INPP4B: variants seen among roughly 807,000 people sequenced by gnomAD.
The protein encoded by INPP4B is inositol polyphosphate 4-phosphatase type II.
In INPP4B, 55 loss-of-function variants were observed where a neutral mutation model predicts 122.5. The observed-to-expected ratio is 0.45, with a 90% confidence interval of 0.36 to 0.56. The LOEUF is 0.56. Ranked by LOEUF, INPP4B falls within the 20% of genes least tolerant of loss-of-function variation. The pLI, the probability that INPP4B is intolerant of heterozygous loss-of-function variation, is 0.00. For missense variants in INPP4B, 1,000 were observed against 1,097.7 expected, an observed-to-expected ratio of 0.91 and a Z score of 1.26; for synonymous variants, 403 against 388.7, an observed-to-expected ratio of 1.04 and a Z score of -0.43.
intron 3 of INPP4B, among the ~76,000 whole-genome samples, chr4:142,443,608 A>T (rs1812289468): frequency 6.6e-6 from 1 of 152,088 alleles, no homozygotes; most frequent in African/African-American, 2.4e-5. Flanking sequence ...ACGATAGAGA[A>T]TGCCTCTGCC....
At chr4:142,772,757 C>G (rs1419979854) in intron 1 of INPP4B, among the ~76,000 whole-genome samples, 1 of 152,100 alleles carries the variant, frequency 6.6e-6, no homozygotes, top group Non-Finnish European at 1.5e-5. Context: ...TTTAAAGACA[C>G]AATCTGGCCA....
At chr4:142,063,310 C>A (rs1761948513) in intron 25 of INPP4B, among the ~76,000 whole-genome samples, 1 of 152,122 alleles carries the variant, frequency 6.6e-6, no homozygotes, top group Non-Finnish European at 1.5e-5. Context: ...ATACTATCCA[C>A]CCTGCCCAGG....
chr4:142,322,611 T>C (rs1770499619), intron 7 of INPP4B, among the ~76,000 whole-genome samples: 1 of 152,138 alleles, frequency 6.6e-6, no homozygotes, highest in Non-Finnish European at 1.5e-5. Flanking sequence ...AATGGGTAAA[T>C]ATTAATTCTT....
chr4:142,557,080 G>A (rs1339613337), intron 2 of INPP4B, among the ~76,000 whole-genome samples: 2 of 152,110 alleles, frequency 1.3e-5, no homozygotes, highest in East Asian at 3.9e-4. Context: ...CCTAAGAGAT[G>A]CTTTCAAATA....
intron 25 of INPP4B, chr4:142,030,271 C>T (rs1239783598): frequency 1.0e-5 from 16 of 1,534,952 alleles, no homozygotes; most frequent in East Asian, 2.4e-5. Context: ...TCAGGATCAT[C>T]GGATTCATTC....
intron 2 of INPP4B, among the ~76,000 whole-genome samples, chr4:142,658,391 G>T (rs1754540126): frequency 6.6e-6 from 1 of 152,170 alleles, no homozygotes; most frequent in Admixed American, 6.5e-5. Context: ...ACTAAACTCA[G>T]AAAACTAAAG....
intron 14 of INPP4B, among the ~76,000 whole-genome samples, chr4:142,204,766 C>A (rs969304518): frequency 3.3e-5 from 5 of 151,906 alleles, no homozygotes; most frequent in African/African-American, 9.7e-5. Flanking sequence ...CCAATGATTG[C>A]CAGCAAACCA....
At chr4:142,627,932 C>T (rs1746889481) in intron 2 of INPP4B, among the ~76,000 whole-genome samples, 1 of 151,836 alleles carries the variant, frequency 6.6e-6, no homozygotes, top group African/African-American at 2.4e-5. Context: ...ATTTCAGATC[C>T]TGTTATTGGT....
chr4:142,219,660 C>T (rs1848601150), intron 12 of INPP4B, among the ~76,000 whole-genome samples: 2 of 152,182 alleles, frequency 1.3e-5, no homozygotes, highest in Non-Finnish European at 2.9e-5. Flanking sequence ...GCATTCTCAT[C>T]ACATTTTAAT....
At position 142,145,891 on chromosome 4, in the gene INPP4B, CATT is replaced by C; in HGVS notation, c.1666_1668del (p.Asn556del). Reference sequence around the variant, plus strand: ...GTTAATGAAGGTTCCTTTTCTCCATCATTGTTGCCGCCACTGCCTTCACTGCCA... The same window carrying C: ...GTTAATGAAGGTTCCTTTTCTCCATCGTTGCCGCCACTGCCTTCACTGCCA... On this transcript the variant is annotated inframe_deletion, in exon 18 of 26. Coordinates refer to ENST00000262992, the MANE Select transcript of INPP4B (RefSeq NM_001101669.3). 1 of 1,613,758 alleles carries C rather than the reference CATT, an allele frequency of 6.2e-7. No homozygotes were observed. The highest frequency in any genetic ancestry group is 8.5e-7 in the Non-Finnish European group (1 of 1,179,786).
intron 25 of INPP4B, among the ~76,000 whole-genome samples, chr4:142,068,713 C>G (rs966251674): frequency 6.6e-6 from 1 of 152,074 alleles, no homozygotes; most frequent in Admixed American, 6.6e-5. Flanking sequence ...TTTAAACCAA[C>G]AAAGATCAAA....
At chr4:142,758,546 G>A (rs889730847) in intron 1 of INPP4B, among the ~76,000 whole-genome samples, 7 of 152,106 alleles carry the variant, frequency 4.6e-5, no homozygotes, top group Non-Finnish European at 8.8e-5. Flanking sequence ...CCCTCAACAG[G>A]GAGTGGACTA....
intron 25 of INPP4B, among the ~76,000 whole-genome samples, chr4:142,050,539 G>A (rs1418768475): frequency 1.3e-5 from 2 of 151,834 alleles, no homozygotes; most frequent in East Asian, 1.9e-4. Context: ...ATATATTATG[G>A]GATTCTCAAC....
chr4:142,837,880 C>A (rs1464469404), intron 1 of INPP4B, among the ~76,000 whole-genome samples: 2 of 151,970 alleles, frequency 1.3e-5, no homozygotes, highest in African/African-American at 4.8e-5. Flanking sequence ...TGAGATCATA[C>A]AGAAAATATC....
intron 23 of INPP4B, among the ~76,000 whole-genome samples, chr4:142,092,302 G>GT (rs1779916396): frequency 6.6e-6 from 1 of 152,014 alleles, no homozygotes; most frequent in Non-Finnish European, 1.5e-5. Context: ...GTTTGCTTTT[G>GT]TTTTTTGAGA....
chr4:142,195,289 A>C lies in INPP4B; in HGVS notation c.1073-2094T>G, dbSNP rs544165366. Among the ~76,000 whole-genome samples, 13 of 152,320 alleles carry C rather than the reference A, an allele frequency of 8.5e-5. No homozygotes were observed. In the East Asian group the frequency reaches 2.5e-3, roughly 29 times the overall value. ...TGGCTGTCAAGAAATGGAGAGGGGG[A>C]ATGCAAAGTTGTTATTCAATAGGCA... On this transcript the variant is annotated intron_variant, in intron 14 of 25. Coordinates refer to ENST00000262992, the MANE Select transcript of INPP4B (RefSeq NM_001101669.3).
chr4:142,674,900 A>AAGCAG (rs1184313602), intron 2 of INPP4B, among the ~76,000 whole-genome samples: 1 of 152,230 alleles, frequency 6.6e-6, no homozygotes, highest in African/African-American at 2.4e-5. Flanking sequence ...CCACAAGAGA[A>AAGCAG]AGCAGGAAAG....
intron 5 of INPP4B, among the ~76,000 whole-genome samples, chr4:142,417,738 C>T (rs1275467493): frequency 2.0e-5 from 3 of 151,992 alleles, no homozygotes; most frequent in Admixed American, 6.6e-5. Context: ...GTTTGCAAAA[C>T]GACCCAGGAA....
intron 8 of INPP4B, chr4:142,306,028 A>G: frequency 1.6e-6 from 1 of 632,092 alleles, no homozygotes; most frequent in African/African-American, 2.0e-5. Context: ...CCCCCATCAC[A>G]GCAATGTTTA....
Sources: gnomAD v4.1 joint callset for allele counts (sites outside exome capture counted in the v4.1 genomes callset) on GRCh38, gnomAD v4.1.1 for gene constraint, MANE v1.5 for transcripts, NCBI Gene and HGNC (gene_info 2026-07-23, HGNC 2026-07-21) for gene names.